Variants in RPL14 observed in about 807,000 individuals in gnomAD.
RPL14 encodes large ribosomal subunit protein eL14.
RPL14 carries 4 observed loss-of-function variants against 25.3 expected under a neutral mutation model. The observed-to-expected ratio is 0.16, with a 90% confidence interval of 0.08 to 0.36. RPL14 has a LOEUF of 0.36. Among genes scored for constraint, RPL14 ranks in the 10% least tolerant of loss-of-function variants. The pLI, the probability that RPL14 is intolerant of heterozygous loss-of-function variation, is 1.00. For synonymous variants in RPL14, 75 were observed against 89.8 expected, an observed-to-expected ratio of 0.84 and a Z score of 0.93; for missense variants, 212 against 261.9, an observed-to-expected ratio of 0.81 and a Z score of 1.31.
At chr3:40,459,699 C>CA (rs1239395733) in intron 3 of RPL14, among the ~76,000 whole-genome samples, 36 of 147,890 alleles carry the variant, frequency 2.4e-4, no homozygotes, top group South Asian at 1.1e-3. Flanking sequence ...ACTAAAAATA[C>CA]AAAAAAAAAA....
chr3:40,458,603 T>G, intron 2 of RPL14, 39 bp from the exon 3 acceptor site: 2 of 1,520,162 alleles, frequency 1.3e-6, no homozygotes, highest in Non-Finnish European at 1.8e-6. Context: ...TTAATTGCTG[T>G]TAGATTTTGC....
Position 40,467,192 on chromosome 3 carries a change from C to T in RPL14, c.*4960C>T, listed in dbSNP as rs1284638348. ...CTGCAACTTGCCTTTTTTCTTAATACGTTCTGGAGATCTTATCTAGTCAGC... is the reference window on the plus strand; with the variant it reads ...CTGCAACTTGCCTTTTTTCTTAATATGTTCTGGAGATCTTATCTAGTCAGC... On this transcript the variant is annotated 3_prime_UTR_variant, in exon 6 of 6. Coordinates refer to ENST00000396203, the MANE Select transcript of RPL14 (RefSeq NM_001034996.3). The T allele has an allele frequency of 6.6e-6, 1 of 152,002 alleles. No homozygotes were observed. The highest frequency in any genetic ancestry group is 1.5e-5 in the Non-Finnish European group (1 of 68,010). 9.4% of individuals were successfully genotyped at this position (152,002 alleles called of 1,614,324 possible).
chr3:40,457,351 C>A lies in RPL14; in HGVS notation c.-121C>A. ...GCGGGTCTTCTTCCTTCTCGCCTAACGCCGCCAACATGGTGAGTCTTACTG... is the reference window on the plus strand; with the variant it reads ...GCGGGTCTTCTTCCTTCTCGCCTAAAGCCGCCAACATGGTGAGTCTTACTG... On this transcript the variant is annotated 5_prime_UTR_variant, in exon 1 of 6. Coordinates refer to ENST00000396203, the MANE Select transcript of RPL14 (RefSeq NM_001034996.3). 6.2e-7 allele frequency: 1 copy of A among 1,605,858 alleles called. No homozygotes were observed. Among genetic ancestry groups the A allele is most frequent in the South Asian group, 1.1e-5 (1 of 90,536 alleles).
chr3:40,460,519 CAAAA>C (rs992778594), intron 3 of RPL14, among the ~76,000 whole-genome samples: 1 of 141,438 alleles, frequency 7.1e-6, no homozygotes, highest in South Asian at 2.2e-4. Context: ...GACCCTGTCT[CAAAA>C]AAAGAAAAAA....
Position 40,462,349 on chromosome 3 carries a change from T to A in RPL14, c.*117T>A. On this transcript the variant is annotated 3_prime_UTR_variant, in exon 6 of 6. Transcript: ENST00000396203. ...AGGAGGCAGATTGATAGTAGGATTATAATAAACATTAAATAATCAGTTCCT... is the reference window on the plus strand; with the variant it reads ...AGGAGGCAGATTGATAGTAGGATTAAAATAAACATTAAATAATCAGTTCCT... The A allele has an allele frequency of 2.4e-6, 2 of 835,842 alleles. No individual in the cohort carries two copies. The highest frequency in any genetic ancestry group is 3.6e-6 in the Non-Finnish European group (2 of 558,476). 51.8% of individuals were successfully genotyped at this position (835,842 alleles called of 1,614,324 possible). A position where few individuals can be genotyped will look rare whatever the true frequency, so the allele number is the denominator to read the frequency against.
Position 40,462,896 on chromosome 3 carries a change from C to G in RPL14, c.*664C>G, listed in dbSNP as rs774637343. ...TAGGTAAAGTGACAGCCTCTTGATG[C>G]TCAAGAGTCTAGCAGATTTATTTTA... On this transcript the variant is annotated 3_prime_UTR_variant, in exon 6 of 6. Transcript: ENST00000396203. 25 of 152,068 alleles carry G rather than the reference C, an allele frequency of 1.6e-4. No individual in the cohort carries two copies. The highest frequency in any genetic ancestry group is 3.1e-4 in the Non-Finnish European group (21 of 68,024). 9.4% of individuals were successfully genotyped at this position (152,068 alleles called of 1,614,324 possible).
rs1696954984 is a variant in RPL14, at chr3:40,462,352, T to A, written c.*120T>A. ...AGGCAGATTGATAGTAGGATTATAATAAACATTAAATAATCAGTTCCTTTT... is the reference window on the plus strand; with the variant it reads ...AGGCAGATTGATAGTAGGATTATAAAAAACATTAAATAATCAGTTCCTTTT... On this transcript the variant is annotated 3_prime_UTR_variant, in exon 6 of 6. Transcript: ENST00000396203. The A allele has an allele frequency of 5.0e-6, 4 of 804,874 alleles. No individual in the cohort carries two copies. The highest frequency in any genetic ancestry group is 7.5e-6 in the Non-Finnish European group (4 of 534,344). 49.9% of individuals were successfully genotyped at this position (804,874 alleles called of 1,614,324 possible). A position where few individuals can be genotyped will look rare whatever the true frequency, so the allele number is the denominator to read the frequency against.
At chr3:40,458,279 T>A (rs968382967) in intron 2 of RPL14, 1 of 531,436 alleles carries the variant, frequency 1.9e-6, no homozygotes, top group African/African-American at 1.9e-5. Context: ...ATCCAGCACG[T>A]AGAAAGCACT....
intron 3 of RPL14, 83 bp from the exon 4 acceptor site, chr3:40,461,324 C>T (rs1696933616): frequency 8.7e-7 from 1 of 1,147,120 alleles, no homozygotes; most frequent in African/African-American, 1.5e-5. Context: ...AGGAAGAGTG[C>T]TTTTCAAGGA....
intron 3 of RPL14, among the ~76,000 whole-genome samples, chr3:40,460,237 G>A (rs938735000): frequency 1.3e-5 from 2 of 152,034 alleles, no homozygotes; most frequent in Non-Finnish European, 2.9e-5. Flanking sequence ...TTACGAGAAT[G>A]AATGGCTCGG....
rs1461697584 is a variant in RPL14 at position 40,463,398 on chromosome 3, G to T, written c.*1166G>T. 6.6e-6 allele frequency: 1 copy of T among 152,192 alleles called. No homozygotes were observed. The highest frequency in any genetic ancestry group is 1.5e-5 in the Non-Finnish European group (1 of 68,092). 9.4% of individuals were successfully genotyped at this position (152,192 alleles called of 1,614,324 possible). A position where few individuals can be genotyped will look rare whatever the true frequency, so the allele number is the denominator to read the frequency against. On this transcript the variant is annotated 3_prime_UTR_variant, in exon 6 of 6. Coordinates refer to ENST00000396203, the MANE Select transcript of RPL14 (RefSeq NM_001034996.3). ...TTTTTGTATTTTTAGTGGAGATGGG[G>T]TTTCACCATGTTGGCCATGCTGGTC...
rs769352957 is a variant in RPL14, at chr3:40,464,438, A to G, written c.*2206A>G. 2 of 456,020 alleles carry G rather than the reference A, an allele frequency of 4.4e-6. No individual in the cohort carries two copies. Among genetic ancestry groups the G allele is most frequent in the South Asian group, 1.5e-5 (1 of 64,548 alleles). 28.2% of individuals were successfully genotyped at this position (456,020 alleles called of 1,614,324 possible). On this transcript the variant is annotated 3_prime_UTR_variant, in exon 6 of 6. Coordinates refer to ENST00000396203, the MANE Select transcript of RPL14 (RefSeq NM_001034996.3). ...CTGGGAGGTAGAGAATTGTCTAGAG[A>G]AAGTGGCATCTATACCTAAAATAAG...
rs964230599 is a variant in RPL14, at chr3:40,466,044, A to G, written c.*3812A>G. ...CGTCTTTACTAAAAATACAAAAATT[A>G]GACAGGCATGGTGGAGCATGCCTGT... On this transcript the variant is annotated 3_prime_UTR_variant, in exon 6 of 6. Transcript: ENST00000396203. 1 of 151,956 alleles carries G rather than the reference A, an allele frequency of 6.6e-6. No individual in the cohort carries two copies. The highest frequency in any genetic ancestry group is 2.4e-5 in the African/African-American group (1 of 41,382). The allele number at this position is 151,956 out of a possible 1,614,324, so 9.4% of individuals were successfully genotyped here. A position where few individuals can be genotyped will look rare whatever the true frequency, so the allele number is the denominator to read the frequency against.
Position 40,462,524 on chromosome 3 carries a change from C to A in RPL14, c.*292C>A. On this transcript the variant is annotated 3_prime_UTR_variant, in exon 6 of 6. Coordinates refer to ENST00000396203, the MANE Select transcript of RPL14 (RefSeq NM_001034996.3). ...CCTGAGCAGCTGGGACTACAGGTGC[C>A]CGCCACCGCGCCTGGCTAATTTTTT... 4.1e-6 allele frequency: 1 copy of A among 241,764 alleles called. No individual in the cohort carries two copies. The highest frequency in any genetic ancestry group is 7.9e-6 in the Non-Finnish European group (1 of 126,386). The allele number at this position is 241,764 out of a possible 1,614,324, so 15.0% of individuals were successfully genotyped here. A position where few individuals can be genotyped will look rare whatever the true frequency, so the allele number is the denominator to read the frequency against.
In RPL14 at chr3:40,462,530, C is replaced by A. The variant is rs1696960221; in HGVS notation, c.*298C>A. On this transcript the variant is annotated 3_prime_UTR_variant, in exon 6 of 6. Coordinates refer to ENST00000396203, the MANE Select transcript of RPL14 (RefSeq NM_001034996.3). ...CAGCTGGGACTACAGGTGCCCGCCA[C>A]CGCGCCTGGCTAATTTTTTGTATTT... 1 of 227,552 alleles carries A rather than the reference C, an allele frequency of 4.4e-6. No homozygotes were observed. The highest frequency in any genetic ancestry group is 2.3e-5 in the African/African-American group (1 of 43,160). 14.1% of individuals were successfully genotyped at this position (227,552 alleles called of 1,614,324 possible).
chr3:40,458,091 G>T, intron 2 of RPL14, 100 bp downstream of exon 2: 1 of 986,980 alleles, frequency 1.0e-6, no homozygotes. Context: ...AGGATGCTAT[G>T]GGTAGTCGCT....
At position 40,458,891 on chromosome 3, in the gene RPL14, C is replaced by G. The variant is rs549298215; in HGVS notation, c.200+155C>G. On this transcript the variant is annotated intron_variant, in intron 3 of 5. Transcript: ENST00000396203. ...CAGGGATTATTTACTTTTAAAATGT[C>G]TTGCCTGCGCGTGATAGCTCATGCC... 733 of 649,908 alleles carry G rather than the reference C, an allele frequency of 1.1e-3. 6 individuals carry two copies. Among genetic ancestry groups the G allele is most frequent in the Middle Eastern group, 5.3e-3 (21 of 3,996 alleles). 40.3% of individuals were successfully genotyped at this position (649,908 alleles called of 1,614,324 possible). A position where few individuals can be genotyped will look rare whatever the true frequency, so the allele number is the denominator to read the frequency against.
At position 40,468,304 on chromosome 3, in the gene RPL14, G is replaced by C. The variant is rs575973206; in HGVS notation, c.*6072G>C. 6.6e-6 allele frequency: 1 copy of C among 152,292 alleles called. No individual in the cohort carries two copies. Among genetic ancestry groups the C allele is most frequent in the East Asian group, 1.9e-4 (1 of 5,184 alleles). 9.4% of individuals were successfully genotyped at this position (152,292 alleles called of 1,614,324 possible). On this transcript the variant is annotated 3_prime_UTR_variant, in exon 6 of 6. Coordinates refer to ENST00000396203, the MANE Select transcript of RPL14 (RefSeq NM_001034996.3). ...CAGTAGGCTGTACCAATTTAGACTT[G>C]CTCTACCAATTTAGATTTCCATCAG...
At position 40,462,433 on chromosome 3, in the gene RPL14, G is replaced by A. The variant is rs1281643290; in HGVS notation, c.*201G>A. 3 of 519,828 alleles carry A rather than the reference G, an allele frequency of 5.8e-6. No homozygotes were observed. Among genetic ancestry groups the A allele is most frequent in the Non-Finnish European group, 9.4e-6 (3 of 319,478 alleles). 32.2% of individuals were successfully genotyped at this position (519,828 alleles called of 1,614,324 possible). ...GTTCTGTTGCTCAGGCCGGACTGCAGTGGCGCTATCTCGGCTCACTGTAAG... is the reference window on the plus strand; with the variant it reads ...GTTCTGTTGCTCAGGCCGGACTGCAATGGCGCTATCTCGGCTCACTGTAAG... On this transcript the variant is annotated 3_prime_UTR_variant, in exon 6 of 6. Coordinates refer to ENST00000396203, the MANE Select transcript of RPL14 (RefSeq NM_001034996.3).
Sources: allele counts gnomAD v4.1 joint callset (sites outside exome capture counted in the v4.1 genomes callset), GRCh38; gene constraint gnomAD v4.1.1; transcripts MANE v1.5; gene names NCBI Gene and HGNC (gene_info 2026-07-23, HGNC 2026-07-21).